The following CKB variants were observed in gnomAD, a reference collection of about 807,000 sequenced individuals.
CKB encodes the protein creatine kinase B-type.
Under a neutral mutation model 36.9 loss-of-function variants are expected in CKB, and 15 were observed. That is an observed-to-expected ratio of 0.41 (90% CI 0.27 to 0.63). CKB has a LOEUF of 0.63. CKB is among the 20% of genes least tolerant of loss of function. CKB has a pLI of 0.34. For synonymous variants in CKB, 250 were observed against 228.2 expected (o/e 1.10, Z -0.86); for missense variants, 413 against 534.9 (o/e 0.77, Z 2.25).
At chr14:103,520,096 G>T in intron 7 of CKB, 26 bp downstream of exon 7, 1 of 1,603,298 alleles carries the variant, frequency 6.2e-7, no homozygotes, top group Non-Finnish European at 8.5e-7. Context: ...AAGGCCACGG[G>T]AAGCCGCAGC....
chr14:103,521,301 C>A lies in CKB; in HGVS notation c.615G>T (p.Ser205=), dbSNP rs775331914. The A allele has an allele frequency of 5.0e-6, 8 of 1,605,266 alleles. No homozygotes were observed. ...DKPVSPLLLA[S]GMARDWPDAR... is the part of the protein sequence containing the mutation. ...CGTCGGGCCAGTCGCGGGCCATGCCCGAGGCCAGCAGCAGGGGCGACACGG... is the reference window on the plus strand; with the variant it reads ...CGTCGGGCCAGTCGCGGGCCATGCCAGAGGCCAGCAGCAGGGGCGACACGG... Residue 205 remains serine, a synonymous_variant, in exon 5 of 8, where the codon TCG becomes TCT. Transcript: ENST00000348956.
At chr14:103,521,566 A>T in intron 4 of CKB, 132 bp from the exon 5 acceptor site, 1 of 989,546 alleles carries the variant, frequency 1.0e-6, no homozygotes, top group Non-Finnish European at 1.4e-6. Context: ...GCGGGCGTCC[A>T]GTCCTCACGG....
In CKB at chr14:103,521,236, CGCGAGAGGGCGCA is replaced by C; in HGVS notation, c.653+14_653+26del. On this transcript the variant is annotated intron_variant, in intron 5 of 7. Coordinates refer to ENST00000348956, the MANE Select transcript of CKB (RefSeq NM_001823.5). ...CGGAGGTAGCGGGGAGGGAGGACGC[CGCGAGAGGGCGCA>C]GAGGGACACGCACCAGATACCGCGG... The C allele has an allele frequency of 6.4e-7, 1 of 1,558,534 alleles. No individual in the cohort carries two copies. The highest frequency in any genetic ancestry group is 8.6e-7 in the Non-Finnish European group (1 of 1,156,720).
Position 103,520,475 on chromosome 14 carries a change from G to A in CKB, c.771C>T (p.Leu257=), listed in dbSNP as rs746442711. The change falls in exon 6 of 8, where the codon CTC becomes CTT. Residue 257 remains leucine (L), a synonymous_variant. Transcript: ENST00000348956. ...KEVFTRFCTG[L]TQIETLFKSK... ...CCTGCCCCGTCCCTGGCACCTGGGT[G>A]AGGCCGGTGCAGAAGCGGGTGAACA... 2.5e-6 allele frequency: 4 copies of A among 1,601,084 alleles called. No individual in the cohort carries two copies. In the South Asian group the frequency reaches 3.3e-5, roughly 13 times the overall value.
In CKB at chr14:103,522,065, G is replaced by A. The variant is rs1313408531; in HGVS notation, c.306C>T (p.Pro102=). ...TGAGGTCGGTCTTGTGCTCATCGCT[G>A]GGCTTGTAGCCGCCGTGCCGGTCCT... ...IIEDRHGGYK[P]SDEHKTDLNP... Residue 102 remains proline (P), a synonymous_variant, in exon 3 of 8, where the codon CCC becomes CCT. Coordinates refer to ENST00000348956, the MANE Select transcript of CKB (RefSeq NM_001823.5). This position sits in a 1 kb window ranked among gnomAD's most constrained non-coding sequence, Gnocchi z 6.7. 1 of 1,557,896 alleles carries A rather than the reference G, an allele frequency of 6.4e-7. No homozygotes were observed. The highest frequency in any genetic ancestry group is 2.4e-5 in the East Asian group (1 of 41,720).
chr14:103,521,254 G>A lies in CKB; in HGVS notation c.653+9C>T. ...AGGACGCCGCGAGAGGGCGCAGAGG[G>A]ACACGCACCAGATACCGCGGGCGTC... On this transcript the variant is annotated intron_variant, in intron 5 of 7. Transcript: ENST00000348956. 4 of 1,585,014 alleles carry A rather than the reference G, an allele frequency of 2.5e-6. No homozygotes were observed. The highest frequency in any genetic ancestry group is 8.5e-7 in the Non-Finnish European group (1 of 1,170,352).
intron 4 of CKB, 139 bp downstream of exon 4, chr14:103,521,679 C>A: frequency 9.0e-7 from 1 of 1,112,356 alleles, no homozygotes; most frequent in African/African-American, 1.6e-5. Flanking sequence ...TCGGTCCCTC[C>A]GGGAAACTGA....
intron 4 of CKB, 163 bp downstream of exon 4, chr14:103,521,655 T>C: frequency 9.9e-7 from 1 of 1,005,950 alleles, no homozygotes. Context: ...GGCGCGGGGC[T>C]GGGCCTCCGT....
Position 103,520,605 on chromosome 14 carries a change from T to C in CKB, c.654-13A>G. ...ATTGTCATTGTGCCTGCGGGAGGGC[T>C]GGTCTCAGGGCATACCCAGAAAAAA... On this transcript the variant is annotated splice_polypyrimidine_tract_variant and intron_variant, in intron 5 of 7. Coordinates refer to ENST00000348956, the MANE Select transcript of CKB (RefSeq NM_001823.5). The C allele has an allele frequency of 6.2e-7, 1 of 1,609,264 alleles. No homozygotes were observed. The highest frequency in any genetic ancestry group is 8.5e-7 in the Non-Finnish European group (1 of 1,178,048).
Position 103,519,709 on chromosome 14 carries a change from T to C in CKB, c.*155A>G. On this transcript the variant is annotated 3_prime_UTR_variant, in exon 8 of 8. Transcript: ENST00000348956. Reference sequence around the variant, plus strand: ...GTTTATTTCAGCATCAGCAGTATCTTAGCCATCAAAAAAATAAACTCTACC... The same window carrying C: ...GTTTATTTCAGCATCAGCAGTATCTCAGCCATCAAAAAAATAAACTCTACC... 7.4e-6 allele frequency: 6 copies of C among 808,514 alleles called. No individual in the cohort carries two copies. The highest frequency in any genetic ancestry group is 3.8e-4 in the Middle Eastern group (1 of 2,618). 50.1% of individuals were successfully genotyped at this position (808,514 alleles called of 1,614,324 possible). A position where few individuals can be genotyped will look rare whatever the true frequency, so the allele number is the denominator to read the frequency against.
Position 103,521,253 on chromosome 14 carries a change from G to A in CKB, c.653+10C>T. On this transcript the variant is annotated intron_variant, in intron 5 of 7. Coordinates refer to ENST00000348956, the MANE Select transcript of CKB (RefSeq NM_001823.5). Reference sequence around the variant, plus strand: ...GAGGACGCCGCGAGAGGGCGCAGAGGGACACGCACCAGATACCGCGGGCGT... The same window carrying A: ...GAGGACGCCGCGAGAGGGCGCAGAGAGACACGCACCAGATACCGCGGGCGT... 6.3e-7 allele frequency: 1 copy of A among 1,583,692 alleles called. No homozygotes were observed. Among genetic ancestry groups the A allele is most frequent in the Middle Eastern group, 1.7e-4 (1 of 5,842 alleles).
In CKB at chr14:103,520,519, C is replaced by A; in HGVS notation, c.727G>T (p.Gly243Trp). 6.2e-7 allele frequency: 1 copy of A among 1,611,616 alleles called. No individual in the cohort carries two copies. Among genetic ancestry groups the A allele is most frequent in the Non-Finnish European group, 8.5e-7 (1 of 1,179,020 alleles). Residue 243 changes from glycine to tryptophan, a missense_variant, in exon 6 of 8, where the codon GGG (glycine) becomes TGG (tryptophan). This residue lies in a region of CKB where 314 missense variants were observed against 409.4 expected (regional missense o/e 0.77). Transcript: ENST00000348956. ...GTGAACACCTCCTTCATGTTGCCCC[C>A]CTTCTGCATGGAGATGACCCGCAGG... ...DHLRVISMQK[G>W]GNMKEVFTRF...
Position 103,522,256 on chromosome 14 carries a change from CG to C in CKB, c.193+44del. ...CGCTGCTGAGGACCCTGCGGCTGCGCGGGGGGAGGGGGGGCCGGGACCCCGG... is the reference window on the plus strand; with the variant it reads ...CGCTGCTGAGGACCCTGCGGCTGCGCGGGGGAGGGGGGGCCGGGACCCCGG... On this transcript the variant is annotated intron_variant, in intron 2 of 7. Transcript: ENST00000348956. The surrounding 1 kb of genome is among the most constrained non-coding windows in gnomAD (Gnocchi z 6.7). The C allele has an allele frequency of 8.7e-7, 1 of 1,155,810 alleles. No individual in the cohort carries two copies. Among genetic ancestry groups the C allele is most frequent in the East Asian group, 4.1e-5 (1 of 24,368 alleles). 71.6% of individuals were successfully genotyped at this position (1,155,810 alleles called of 1,614,324 possible).
chr14:103,521,771 G>A (rs1299547087), intron 4 of CKB, 47 bp downstream of exon 4: 16 of 1,346,180 alleles, frequency 1.2e-5, no homozygotes, highest in African/African-American at 3.1e-5. Flanking sequence ...GACCGCGCCG[G>A]GAGGGGGACG....
rs1276974283 is a variant in CKB at position 103,521,328 on chromosome 14, C to T, written c.588G>A (p.Lys196=). The T allele has an allele frequency of 1.2e-6, 2 of 1,609,184 alleles. No individual in the cohort carries two copies. Among genetic ancestry groups the T allele is most frequent in the South Asian group, 1.1e-5 (1 of 90,728 alleles). ...AGGCCAGCAGCAGGGGCGACACGGG[C>T]TTGTCGAAGAGGAAGTGGTCGTCGA... is the stretch of plus-strand genomic sequence containing the variant. ...QLIDDHFLFD[K]PVSPLLLASG... is the part of the protein sequence containing the mutation. The change falls in exon 5 of 8, where the codon AAG becomes AAA. Residue 196 remains lysine, a synonymous_variant. Transcript: ENST00000348956.
At position 103,522,099 on chromosome 14, in the gene CKB, G is replaced by T; in HGVS notation, c.272C>A (p.Pro91His). ...GCCGCCGTGCCGGTCCTCGATGATG[G>T]GGTCGAAGAGATCCTTGAACACTTC... Reference protein sequence around the residue: ...SYEVFKDLFDPIIEDRHGGYK... With the variant: ...SYEVFKDLFDHIIEDRHGGYK... The change falls in exon 3 of 8, where the codon CCC (proline) becomes CAC (histidine). Residue 91 changes from proline (P) to histidine (H), a missense_variant. Pro to His is a moderately conservative substitution (Grantham distance 77). This residue lies in a region of CKB where 314 missense variants were observed against 409.4 expected (regional missense o/e 0.77). Coordinates refer to ENST00000348956, the MANE Select transcript of CKB (RefSeq NM_001823.5). The surrounding 1 kb of genome is among the most constrained non-coding windows in gnomAD (Gnocchi z 6.7). The T allele has an allele frequency of 6.3e-7, 1 of 1,581,956 alleles. No homozygotes were observed. Among genetic ancestry groups the T allele is most frequent in the Non-Finnish European group, 8.6e-7 (1 of 1,164,682 alleles).
chr14:103,519,912 C>T lies in CKB; in HGVS notation c.1098G>A (p.Arg366=). ...CGTCGATGGCCTGGCCCTGCTCCAGCCGCTGCTCCATCTCGATGAGCAGCT... is the reference window on the plus strand; with the variant it reads ...CGTCGATGGCCTGGCCCTGCTCCAGTCGCTGCTCCATCTCGATGAGCAGCT... ...GVKLLIEMEQ[R]LEQGQAIDDL... is the part of the protein sequence containing the mutation. Residue 366 remains arginine, a synonymous_variant, in exon 8 of 8, where the codon CGG becomes CGA. Coordinates refer to ENST00000348956, the MANE Select transcript of CKB (RefSeq NM_001823.5). 6.2e-7 allele frequency: 1 copy of T among 1,608,864 alleles called. No individual in the cohort carries two copies. The highest frequency in any genetic ancestry group is 8.5e-7 in the Non-Finnish European group (1 of 1,179,964).
intron 4 of CKB, 138 bp downstream of exon 4, chr14:103,521,680 G>A (rs1188728539): frequency 9.8e-6 from 11 of 1,117,316 alleles, no homozygotes; most frequent in East Asian, 6.6e-5. Flanking sequence ...CGGTCCCTCC[G>A]GGAAACTGAA....
intron 5 of CKB, chr14:103,520,852 A>G: frequency 3.9e-6 from 2 of 508,296 alleles, no homozygotes; most frequent in Non-Finnish European, 7.0e-6. Context: ...CCCGCCCCCC[A>G]CAGTGGGGGT....
Sources: gnomAD v4.1 joint callset for allele counts on GRCh38, gnomAD v4.1.1 for gene constraint, gnomAD v4.1.1 regional missense constraint, Gnocchi (gnomAD v3.1) non-coding constraint, MANE v1.5 for transcripts, NCBI Gene and HGNC (gene_info 2026-07-23, HGNC 2026-07-21) for gene names.